CLEC10A: variants seen among roughly 807,000 people sequenced by gnomAD.
CLEC10A encodes C-type lectin domain family 10 member A.
A neutral mutation model predicts 42.0 loss-of-function variants in CLEC10A; 38 were observed. That is an observed-to-expected ratio of 0.90 (90% CI 0.70 to 1.18). The LOEUF is 1.18. CLEC10A is among the 50% of genes most tolerant of loss of function. The pLI is 0.00. For synonymous variants in CLEC10A, 126 were observed against 139.9 expected (o/e 0.90, Z 0.70); for missense variants, 298 against 345.9 (o/e 0.86, Z 1.10).
chr17:7,074,985 G>C lies in CLEC10A; in HGVS notation c.*69C>G. Reference sequence around the variant, plus strand: ...TATTTCTCTCCCAGAGCGGTCTTGCGAGGAGGTCGTGAGAAGAGTCCTCCT... The same window carrying C: ...TATTTCTCTCCCAGAGCGGTCTTGCCAGGAGGTCGTGAGAAGAGTCCTCCT... On this transcript the variant is annotated 3_prime_UTR_variant, in exon 9 of 9. Transcript: ENST00000416562. The C allele has an allele frequency of 7.5e-7, 1 of 1,339,354 alleles. No homozygotes were observed. Among genetic ancestry groups the C allele is most frequent in the Admixed American group, 2.8e-5 (1 of 35,870 alleles). 83.0% of individuals were successfully genotyped at this position (1,339,354 alleles called of 1,614,324 possible). A position where few individuals can be genotyped will look rare whatever the true frequency, so the allele number is the denominator to read the frequency against.
intron 3 of CLEC10A, 152 bp downstream of exon 3, chr17:7,077,845 T>G: frequency 4.8e-6 from 3 of 621,784 alleles, no homozygotes; most frequent in Non-Finnish European, 8.7e-6. Flanking sequence ...CCATGCCCCA[T>G]TGTTATCTCC....
At chr17:7,075,564 A>G in intron 7 of CLEC10A, 98 bp from the exon 8 acceptor site, 2 of 1,405,618 alleles carry the variant, frequency 1.4e-6, no homozygotes, top group Non-Finnish European at 2.0e-6. Context: ...TCAACTGAGG[A>G]GTTTGGAGAT....
In CLEC10A at chr17:7,075,856, T is replaced by A. The variant is rs759014817; in HGVS notation, c.469A>T (p.Asn157Tyr). ...ASTEGTCCPV[N>Y]WVEHQDSCYW... Reference sequence around the variant, plus strand: ...CAGCTGTCTTGGTGCTCCACCCAGTTGACAGGGCAGCAGGTCCCTTCAGTG... The same window carrying A: ...CAGCTGTCTTGGTGCTCCACCCAGTAGACAGGGCAGCAGGTCCCTTCAGTG... The change falls in exon 7 of 9, where the codon AAC becomes TAC. Residue 157 changes from asparagine (N) to tyrosine (Y), a missense_variant. Asn to Tyr is a moderately radical substitution (Grantham distance 143). Coordinates refer to ENST00000416562, the MANE Select transcript of CLEC10A (RefSeq NM_001330070.2). The A allele has an allele frequency of 6.2e-7, 1 of 1,613,894 alleles. No individual in the cohort carries two copies. Among genetic ancestry groups the A allele is most frequent in the Non-Finnish European group, 8.5e-7 (1 of 1,179,902 alleles).
rs147471445 is a variant in CLEC10A, at chr17:7,075,997, G to T, written c.427C>A (p.Leu143Ile). The change falls in exon 6 of 9, where the codon CTC becomes ATC. Residue 143 changes from leucine to isoleucine, a missense_variant. Coordinates refer to ENST00000416562, the MANE Select transcript of CLEC10A (RefSeq NM_001330070.2). ...ATACCTTCCTCACCATTGTTGTTGA[G>T]AGTAGCCACCTGGCAGGTCAGTTTC... ...LKKLTCQVAT[L>I]NNNASTEGTC... 227 of 1,614,220 alleles carry T rather than the reference G, an allele frequency of 1.4e-4. No individual in the cohort carries two copies. The African/African-American group carries it at 2.8e-3, about 20-fold the overall frequency.
At chr17:7,079,756 T>G (rs917832252) in intron 1 of CLEC10A, among the ~76,000 whole-genome samples, 2 of 151,972 alleles carry the variant, frequency 1.3e-5, no homozygotes, top group Admixed American at 1.3e-4. Flanking sequence ...TCGCCCAGGC[T>G]GTTGTGCAAC....
intron 2 of CLEC10A, 68 bp downstream of exon 2, chr17:7,078,678 A>C (rs868228261): frequency 6.7e-7 from 1 of 1,501,358 alleles, no homozygotes. Context: ...GAGGTACAGA[A>C]ATGATAGGAG....
chr17:7,077,181 A>G (rs1488346314), intron 3 of CLEC10A, among the ~76,000 whole-genome samples, 194 bp from the exon 4 acceptor site: 2 of 151,826 alleles, frequency 1.3e-5, no homozygotes, highest in South Asian at 2.1e-4. Flanking sequence ...ACATAACCCA[A>G]CTACTCAGTG....
chr17:7,075,956 G>A (rs1911706554), intron 6 of CLEC10A, 29 bp downstream of exon 6: 1 of 1,613,338 alleles, frequency 6.2e-7, no homozygotes, highest in Admixed American at 1.7e-5. Context: ...CAGAAAAGTA[G>A]GGCCAGGTAC....
rs765224729 is a variant in CLEC10A at position 7,078,041 on chromosome 17, AG to A, written c.139del (p.Leu47SerfsTer24). 1 of 1,613,972 alleles carries A rather than the reference AG, an allele frequency of 6.2e-7. No individual in the cohort carries two copies. Among genetic ancestry groups the A allele is most frequent in the Non-Finnish European group, 8.5e-7 (1 of 1,179,902 alleles). On this transcript the variant is annotated frameshift_variant, in exon 3 of 9. Coordinates refer to ENST00000416562, the MANE Select transcript of CLEC10A (RefSeq NM_001330070.2). LOFTEE classifies it high-confidence loss of function. ...GPCHLLLSLG[L>X]GLLLLVIICV... ...GATGATGACCAGCAGCAGGAGGCCG[AG>A]GCCCAGGGACAGCAGGAGATGGCAG...
Position 7,076,084 on chromosome 17 carries a change from C to A in CLEC10A, c.353-13G>T. 2 of 1,614,176 alleles carry A rather than the reference C, an allele frequency of 1.2e-6. No individual in the cohort carries two copies. Among genetic ancestry groups the A allele is most frequent in the African/African-American group, 1.3e-5 (1 of 75,030 alleles). On this transcript the variant is annotated splice_polypyrimidine_tract_variant and intron_variant, in intron 5 of 8. Transcript: ENST00000416562. The stretch of plus-strand genomic sequence containing the variant: ...ATTTCAGAATGAACTGGGACACACA[C>A]AGATGGGCAGTGGGGACAGTGGCCT...
Position 7,076,650 on chromosome 17 carries a change from C to T in CLEC10A, c.352+83G>A, listed in dbSNP as rs1911770393. The T allele has an allele frequency of 6.9e-6, 10 of 1,446,400 alleles. No individual in the cohort carries two copies. The South Asian group carries it at 9.1e-5, about 13-fold the overall frequency. 89.6% of individuals were successfully genotyped at this position (1,446,400 alleles called of 1,614,324 possible). On this transcript the variant is annotated intron_variant, in intron 5 of 8. Transcript: ENST00000416562. Reference sequence around the variant, plus strand: ...TCAAGCTGCTGGCTGAAGGGGAGGGCAGTTCAGCACCAGGAGTCTGTTCCC... The same window carrying T: ...TCAAGCTGCTGGCTGAAGGGGAGGGTAGTTCAGCACCAGGAGTCTGTTCCC...
Position 7,076,873 on chromosome 17 carries a change from C to T in CLEC10A, c.280+19G>A. On this transcript the variant is annotated intron_variant, in intron 4 of 8. Coordinates refer to ENST00000416562, the MANE Select transcript of CLEC10A (RefSeq NM_001330070.2). ...CCTGGCCTGGCCCCAGCCCAGAGCC[C>T]CATCCAAACCAGACTCACCCTGGGA... The T allele has an allele frequency of 6.2e-7, 1 of 1,613,632 alleles. No individual in the cohort carries two copies. Among genetic ancestry groups the T allele is most frequent in the Non-Finnish European group, 8.5e-7 (1 of 1,179,646 alleles).
chr17:7,075,924 G>T (rs750011461), intron 6 of CLEC10A, 39 bp from the exon 7 acceptor site: 1 of 1,611,744 alleles, frequency 6.2e-7, no homozygotes, highest in Admixed American at 1.7e-5. Context: ...AGAGGCTGAG[G>T]CTCTGCCCAG....
At chr17:7,076,239 G>GGAT (rs1911735628) in intron 5 of CLEC10A, 168 bp from the exon 6 acceptor site, 8 of 1,238,254 alleles carry the variant, frequency 6.5e-6, no homozygotes, top group Non-Finnish European at 8.8e-6. Flanking sequence ...AATCTGCTTT[G>GGAT]GATTCCTCTG....
Position 7,075,452 on chromosome 17 carries a change from T to C in CLEC10A, c.609A>G (p.Lys203=), listed in dbSNP as rs989509836. Residue 203 remains lysine, a synonymous_variant, in exon 8 of 9, where the codon AAA becomes AAG. Transcript: ENST00000416562. The part of the protein sequence containing the change: ...NSREEQNFVQ[K]YLGSAYTWMG... ...TCCAGGTGTATGCGGAGCCTAGATA[T>C]TTCTGGACAAAATTCTGCGGTGACA... The C allele has an allele frequency of 2.6e-6, 4 of 1,530,898 alleles. No individual in the cohort carries two copies. Among genetic ancestry groups the C allele is most frequent in the Admixed American group, 2.2e-5 (1 of 46,462 alleles). 94.8% of individuals were successfully genotyped at this position (1,530,898 alleles called of 1,614,324 possible). A position where few individuals can be genotyped will look rare whatever the true frequency, so the allele number is the denominator to read the frequency against.
rs1349292090 is a variant in CLEC10A, at chr17:7,078,783, G to A, written c.30C>T (p.Tyr10=). ...CCTGGACTTTCACCTTATTCTCCAA[G>A]TACTGGAAGTTTTCATACGTCCTTG... MTRTYENFQ[Y]LENKVKVQGF... Residue 10 remains tyrosine (Y), a synonymous_variant, in exon 2 of 9, where the codon TAC becomes TAT. Coordinates refer to ENST00000416562, the MANE Select transcript of CLEC10A (RefSeq NM_001330070.2). The A allele has an allele frequency of 1.9e-6, 3 of 1,614,140 alleles. No individual in the cohort carries two copies. The highest frequency in any genetic ancestry group is 3.3e-5 in the Admixed American group (2 of 60,016).
Position 7,075,417 on chromosome 17 carries a change from C to G in CLEC10A, c.644G>C (p.Ser215Thr). 2.0e-6 allele frequency: 3 copies of G among 1,523,530 alleles called. No homozygotes were observed. The South Asian group carries it at 4.0e-5, about 20-fold the overall frequency. 94.4% of individuals were successfully genotyped at this position (1,523,530 alleles called of 1,614,324 possible). A position where few individuals can be genotyped will look rare whatever the true frequency, so the allele number is the denominator to read the frequency against. Residue 215 changes from serine to threonine, a missense_variant, in exon 8 of 9, where the codon AGT (serine) becomes ACT (threonine). Around this residue, in one of 3 missense-constraint regions of CLEC10A, gnomAD observed 267 missense variants for 289.5 expected, o/e 0.92. Coordinates refer to ENST00000416562, the MANE Select transcript of CLEC10A (RefSeq NM_001330070.2). ...LGSAYTWMGL[S>T]DPEGAWKWVD... is the part of the protein sequence containing the mutation. ...CCACTTCCAGGCTCCTTCAGGGTCACTGAGGCCCATCCAGGTGTATGCGGA... is the reference window on the plus strand; with the variant it reads ...CCACTTCCAGGCTCCTTCAGGGTCAGTGAGGCCCATCCAGGTGTATGCGGA...
At chr17:7,078,714 G>T (rs1472555441) in intron 2 of CLEC10A, 32 bp downstream of exon 2, 1 of 1,587,646 alleles carries the variant, frequency 6.3e-7, no homozygotes, top group South Asian at 1.1e-5. Flanking sequence ...TATAAAGAGG[G>T]CATTTTAGGA....
chr17:7,076,289 G>T, intron 5 of CLEC10A: 1 of 676,978 alleles, frequency 1.5e-6, no homozygotes, highest in Non-Finnish European at 2.3e-6. Flanking sequence ...AAAGCATGCT[G>T]CCTTTCTTTC....
Sources: gnomAD v4.1 joint callset for allele counts (sites outside exome capture counted in the v4.1 genomes callset) on GRCh38, gnomAD v4.1.1 for gene constraint, gnomAD v4.1.1 regional missense constraint, MANE v1.5 for transcripts, NCBI Gene and HGNC (gene_info 2026-07-23, HGNC 2026-07-21) for gene names.